ABCA4: variants seen among roughly 807,000 people sequenced by gnomAD.
The protein encoded by ABCA4 is ATP binding cassette subfamily A member 4, also known as retinal-specific phospholipid-transporting ATPase ABCA4.
In ABCA4, 196 loss-of-function variants were observed where a neutral mutation model predicts 263.7. The ratio of observed to expected loss-of-function variants is 0.74; its 90% CI spans 0.66 to 0.84. ABCA4 has a LOEUF of 0.84. ABCA4 is among the 40% of genes least tolerant of loss of function. The probability of loss-of-function intolerance (pLI) is 0.00; values close to 1 mark genes in which losing one functional copy is unlikely to be tolerated. For missense variants in ABCA4, 2,792 were observed against 2,855.1 expected (o/e 0.98, Z 0.50); for synonymous variants, 1,133 against 1,094.2 (o/e 1.04, Z -0.70).
intron 17 of ABCA4, among the ~76,000 whole-genome samples, chr1:94,050,989 TG>T (rs1387404083): frequency 2.0e-5 from 3 of 152,234 alleles, no homozygotes; most frequent in Non-Finnish European, 4.4e-5. Flanking sequence ...CAAAAGAGTC[TG>T]TGCTTTTCCC....
At chr1:94,002,862 C>T (rs58891582) in intron 44 of ABCA4, among the ~76,000 whole-genome samples, 19,381 of 152,136 alleles carry the variant, frequency 0.13, 2,057 homozygotes, top group African/African-American at 0.29. Flanking sequence ...TATTTATCTA[C>T]AGATCGTCTA....
At chr1:94,068,358 A>G (rs542395704) in intron 11 of ABCA4, among the ~76,000 whole-genome samples, 47 of 152,308 alleles carry the variant, frequency 3.1e-4, no homozygotes, top group Admixed American at 1.5e-3. Flanking sequence ...TTGGACATGA[A>G]TCAGAAGTTC....
At chr1:94,004,754 C>T (rs776003736) in intron 44 of ABCA4, among the ~76,000 whole-genome samples, 8 of 152,130 alleles carry the variant, frequency 5.3e-5, no homozygotes, top group Non-Finnish European at 1.0e-4. Context: ...CCCAGAAGTA[C>T]TGTTTCCTCC....
At position 94,077,968 on chromosome 1, in the gene ABCA4, T is replaced by C. The variant is rs1280429203; in HGVS notation, c.1357-81A>G. ...GTCTTGTTCTTCAGCCATTTCTAAT[T>C]TTTAGTGATTGAGGATAGAGATGCT... On this transcript the variant is annotated intron_variant, in intron 10 of 49. Coordinates refer to ENST00000370225, the MANE Select transcript of ABCA4 (RefSeq NM_000350.3). 2.6e-5 allele frequency: 36 copies of C among 1,404,192 alleles called. 1 individual carries two copies. In the South Asian group the frequency reaches 2.6e-4, roughly 10 times the overall value. 87.0% of individuals were successfully genotyped at this position (1,404,192 alleles called of 1,614,324 possible).
chr1:94,025,807 TATCTGTA>T (rs1201679491), intron 30 of ABCA4, among the ~76,000 whole-genome samples: 1 of 152,208 alleles, frequency 6.6e-6, no homozygotes, highest in Non-Finnish European at 1.5e-5. Context: ...TACGTATTTG[TATCTGTA>T]ATCCCCCGTA....
chr1:94,029,406 C>T, intron 30 of ABCA4, 39 bp downstream of exon 30: 1 of 1,509,206 alleles, frequency 6.6e-7, no homozygotes, highest in South Asian at 1.3e-5. Flanking sequence ...CCCTCTGTGG[C>T]AGGCAGACCT....
At chr1:94,035,043 T>G (rs1403233246) in intron 26 of ABCA4, among the ~76,000 whole-genome samples, 1 of 152,188 alleles carries the variant, frequency 6.6e-6, no homozygotes, top group African/African-American at 2.4e-5. Context: ...TCAGGTTTGA[T>G]ATTTGGTCGG....
intron 39 of ABCA4, 99 bp downstream of exon 39, chr1:94,011,163 G>T: frequency 6.3e-7 from 1 of 1,599,798 alleles, no homozygotes; most frequent in Non-Finnish European, 8.5e-7. Context: ...TCCCCTCCTA[G>T]CACCAGCCCC....
At chr1:94,040,739 C>A (rs1660463749) in intron 23 of ABCA4, among the ~76,000 whole-genome samples, 3 of 152,306 alleles carry the variant, frequency 2.0e-5, no homozygotes, top group South Asian at 2.1e-4. Flanking sequence ...AAAACTGGGT[C>A]TCCTGATGTG....
chr1:94,053,869 C>T (rs115855110), intron 16 of ABCA4, among the ~76,000 whole-genome samples: 1 of 152,344 alleles, frequency 6.6e-6, no homozygotes, highest in African/African-American at 2.4e-5. Flanking sequence ...AAGCCTTCCT[C>T]CTATTCAGGG....
chr1:94,039,090 G>T (rs1281395468), intron 24 of ABCA4, among the ~76,000 whole-genome samples: 3 of 152,134 alleles, frequency 2.0e-5, no homozygotes, highest in Non-Finnish European at 4.4e-5. Flanking sequence ...CTTGACCAAG[G>T]TTCAGAGAGC....
At chr1:94,052,387 G>A (rs1055424620) in intron 16 of ABCA4, among the ~76,000 whole-genome samples, 2 of 152,048 alleles carry the variant, frequency 1.3e-5, no homozygotes, top group Admixed American at 6.6e-5. Flanking sequence ...TCATGGTCTC[G>A]GCTTTTTTTA....
In ABCA4 at chr1:94,025,094, C is replaced by G. The variant is rs1247721564; in HGVS notation, c.4540-46G>C. 3 of 1,522,050 alleles carry G rather than the reference C, an allele frequency of 2.0e-6. No individual in the cohort carries two copies. In the East Asian group the frequency reaches 6.7e-5, roughly 34 times the overall value. 94.3% of individuals were successfully genotyped at this position (1,522,050 alleles called of 1,614,324 possible). On this transcript the variant is annotated intron_variant, in intron 30 of 49. Transcript: ENST00000370225. ...CGTTAATTACCTTGGAACTTGAGGA[C>G]TTATAAGTAGTTTGTGAAACTGCTT...
rs772380617 is a variant in ABCA4, at chr1:94,056,783, A to C, written c.2200T>G (p.Phe734Val). ...GTGGAGAAAGCCAACAAGAACAGGA[A>C]GAGGATGAATGGGTCGCTGTAATGT... is the stretch of plus-strand genomic sequence containing the variant. ...ILHYSDPFIL[F>V]LFLLAFSTAT... The change falls in exon 15 of 50, where the codon TTC becomes GTC. Residue 734 changes from phenylalanine (F) to valine (V), a missense_variant. Physicochemically the swap from Phe to Val is conservative, Grantham distance 50. Transcript: ENST00000370225. 12 of 1,612,332 alleles carry C rather than the reference A, an allele frequency of 7.4e-6. No homozygotes were observed. Among genetic ancestry groups the C allele is most frequent in the Non-Finnish European group, 1.0e-5 (12 of 1,179,154 alleles).
At chr1:94,006,804 A>G (rs1659402033) in intron 43 of ABCA4, among the ~76,000 whole-genome samples, 1 of 152,192 alleles carries the variant, frequency 6.6e-6, no homozygotes, top group Non-Finnish European at 1.5e-5. Flanking sequence ...AGTCAAGCAG[A>G]TGCTGGACAG....
intron 2 of ABCA4, among the ~76,000 whole-genome samples, chr1:94,111,782 G>A (rs1333525407): frequency 1.3e-5 from 2 of 152,168 alleles, no homozygotes; most frequent in East Asian, 3.9e-4. Flanking sequence ...TCAAGCTCCC[G>A]GTGTAGTGGG....
In ABCA4 at chr1:94,001,300, G is replaced by T. The variant is rs147868703; in HGVS notation, c.6283-195C>A. ...GAGGTGGATCCAAGAGTAAAGAAGCGTGGCGTCCATCCTGGGCCCATTTCA... is the reference window on the plus strand; with the variant it reads ...GAGGTGGATCCAAGAGTAAAGAAGCTTGGCGTCCATCCTGGGCCCATTTCA... On this transcript the variant is annotated intron_variant, in intron 45 of 49. Transcript: ENST00000370225. 1.8e-4 allele frequency among the ~76,000 whole-genome samples: 27 copies of T among 152,340 alleles called. No individual in the cohort carries two copies. In the East Asian group the frequency reaches 5.2e-3, roughly 29 times the overall value.
rs61750573 is a variant in ABCA4, at chr1:94,014,666, G to A, written c.5337C>T (p.Tyr1779=). Residue 1779 remains tyrosine, a synonymous_variant, in exon 38 of 50, where the codon TAC becomes TAT. Coordinates refer to ENST00000370225, the MANE Select transcript of ABCA4 (RefSeq NM_000350.3). ...LYGWAVIPMM[Y]PASFLFDVPS... is the part of the protein sequence containing the mutation. Reference sequence around the variant, plus strand: ...GGACATCAAACAGGAAGGATGCTGGGTACATCATGGGAATGACCGCCCATC... The same window carrying A: ...GGACATCAAACAGGAAGGATGCTGGATACATCATGGGAATGACCGCCCATC... The A allele has an allele frequency of 1.2e-6, 2 of 1,614,194 alleles. No homozygotes were observed. Among genetic ancestry groups the A allele is most frequent in the Non-Finnish European group, 1.7e-6 (2 of 1,180,038 alleles).
chr1:94,011,167 C>T, intron 39 of ABCA4, 95 bp downstream of exon 39: 5 of 1,602,950 alleles, frequency 3.1e-6, no homozygotes, highest in Admixed American at 3.3e-5. Flanking sequence ...CTCCTAGCAC[C>T]AGCCCCTGCC....
Sources: gnomAD v4.1 joint callset for allele counts (sites outside exome capture counted in the v4.1 genomes callset) on GRCh38, gnomAD v4.1.1 for gene constraint, MANE v1.5 for transcripts, NCBI Gene and HGNC (gene_info 2026-07-23, HGNC 2026-07-21) for gene names.